The following COL11A2 variants were observed in gnomAD, a reference collection of about 807,000 sequenced individuals.
The protein encoded by COL11A2 is collagen alpha-2(XI) chain.
Under a neutral mutation model 273.4 loss-of-function variants are expected in COL11A2, and 116 were observed. The ratio of observed to expected loss-of-function variants is 0.42; its 90% confidence interval spans 0.36 to 0.49. COL11A2 has a LOEUF of 0.49. Ranked by LOEUF, COL11A2 falls within the 20% of genes least tolerant of loss-of-function variation. COL11A2 has a pLI of 0.00. For synonymous variants in COL11A2, 782 were observed against 864.2 expected, an observed-to-expected ratio of 0.90 and a Z score of 1.67; for missense variants, 1,866 against 2,309.0, an observed-to-expected ratio of 0.81 and a Z score of 3.93.
Position 33,173,140 on chromosome 6 carries a change from G to T in COL11A2, c.2737-27C>A. 1 of 1,604,698 alleles carries T rather than the reference G, an allele frequency of 6.2e-7. No homozygotes were observed. ...TAGGCGAGGAAGAGAGGAGAATGCAGTGAAAGCAGGTGTGGGCGCTGTGGG... is the reference window on the plus strand; with the variant it reads ...TAGGCGAGGAAGAGAGGAGAATGCATTGAAAGCAGGTGTGGGCGCTGTGGG... On this transcript the variant is annotated intron_variant, in intron 37 of 65. Transcript: ENST00000341947. The surrounding 1 kb of genome is among the most constrained non-coding windows in gnomAD (Gnocchi z 6.3).
At chr6:33,172,139 CGAAAA>C in intron 40 of COL11A2, 36 bp from the exon 41 acceptor site, 3 of 1,610,488 alleles carry the variant, frequency 1.9e-6, no homozygotes, top group Non-Finnish European at 2.5e-6. Flanking sequence ...TGAGACTTCA[CGAAAA>C]GAGAAGGGTG....
Position 33,186,328 on chromosome 6 carries a change from C to A in COL11A2, c.798+299G>T, listed in dbSNP as rs373940551. On this transcript the variant is annotated intron_variant, in intron 5 of 65. Transcript: ENST00000341947. ...CTACCTGCCTCCCCAGCTCTCACCC[C>A]TCTCCCACTGTCTCCCAATCTCTTA... 2.2e-5 allele frequency: 28 copies of A among 1,281,646 alleles called. No homozygotes were observed. The South Asian group carries it at 4.4e-4, about 20-fold the overall frequency. The allele number at this position is 1,281,646 out of a possible 1,614,324, so 79.4% of individuals were successfully genotyped here. A position where few individuals can be genotyped will look rare whatever the true frequency, so the allele number is the denominator to read the frequency against.
In COL11A2 at chr6:33,167,818, T is replaced by C; in HGVS notation, c.3995A>G (p.Gln1332Arg). The C allele has an allele frequency of 6.2e-7, 1 of 1,612,798 alleles. No individual in the cohort carries two copies. Among genetic ancestry groups the C allele is most frequent in the South Asian group, 1.1e-5 (1 of 91,044 alleles). Residue 1332 changes from glutamine (Q) to arginine (R), a missense_variant, in exon 55 of 66, where the codon CAA (glutamine) becomes CGA (arginine). Coordinates refer to ENST00000341947, the MANE Select transcript of COL11A2 (RefSeq NM_080680.3). This position sits in a 1 kb window ranked among gnomAD's most constrained non-coding sequence, Gnocchi z 6.1. The stretch of plus-strand genomic sequence containing the variant: ...CCTCACCTTGGCTCCCTTCCCTCCT[T>C]GTCGCCCCTCGGAACCAGGCGAGCC... ...PAGSPGSEGR[Q>R]GGKGAKGDPG...
In COL11A2 at chr6:33,169,541, G is replaced by A; in HGVS notation, c.3691-51C>T. 6.4e-7 allele frequency: 1 copy of A among 1,559,082 alleles called. No individual in the cohort carries two copies. The highest frequency in any genetic ancestry group is 1.7e-5 in the Admixed American group (1 of 59,744). On this transcript the variant is annotated intron_variant, in intron 50 of 65. Coordinates refer to ENST00000341947, the MANE Select transcript of COL11A2 (RefSeq NM_080680.3). The surrounding 1 kb of genome is among the most constrained non-coding windows in gnomAD (Gnocchi z 5.5). ...TGGCCCAGGGAATCTTGAAGATCAG[G>A]GATGCAGCCTCTGCTTCCGAGACAC...
At position 33,179,716 on chromosome 6, in the gene COL11A2, C is replaced by T. The variant is rs1217158496; in HGVS notation, c.1446+3G>A. 1.2e-6 allele frequency: 2 copies of T among 1,611,692 alleles called. No individual in the cohort carries two copies. The highest frequency in any genetic ancestry group is 1.7e-6 in the Non-Finnish European group (2 of 1,180,006). ...CCCTTTCCAGGGAAGCAGCCCCACT[C>T]ACCCTCGCCTGCTGCAGGATCGCCT... On this transcript the variant is annotated splice_donor_region_variant and intron_variant, in intron 13 of 65. Transcript: ENST00000341947. This position sits in a 1 kb window ranked among gnomAD's most constrained non-coding sequence, Gnocchi z 6.4.
In COL11A2 at chr6:33,186,589, G is replaced by T. The variant is rs200989046; in HGVS notation, c.798+38C>A. On this transcript the variant is annotated intron_variant, in intron 5 of 65. Coordinates refer to ENST00000341947, the MANE Select transcript of COL11A2 (RefSeq NM_080680.3). Reference sequence around the variant, plus strand: ...GATGCCTGGGTGTCTTCCCTCTCTGGGGTGTGCTGCACTTGGGGGTTCTCC... The same window carrying T: ...GATGCCTGGGTGTCTTCCCTCTCTGTGGTGTGCTGCACTTGGGGGTTCTCC... 779 of 1,614,138 alleles carry T rather than the reference G, an allele frequency of 4.8e-4. 7 individuals are homozygous for T. Among genetic ancestry groups the T allele is most frequent in the South Asian group, 4.0e-3 (360 of 91,080 alleles).
In COL11A2 at chr6:33,176,561, TG is replaced by T; in HGVS notation, c.2116-76del. On this transcript the variant is annotated intron_variant, in intron 26 of 65. Coordinates refer to ENST00000341947, the MANE Select transcript of COL11A2 (RefSeq NM_080680.3). The surrounding 1 kb of genome is among the most constrained non-coding windows in gnomAD (Gnocchi z 4.9). ...TGGGGGCCTCCAGGGGTGGAAGAAATGGAAGTAACAACATTGCTGTCTGGGT... is the reference window on the plus strand; with the variant it reads ...TGGGGGCCTCCAGGGGTGGAAGAAATGAAGTAACAACATTGCTGTCTGGGT... 2 of 1,464,708 alleles carry T rather than the reference TG, an allele frequency of 1.4e-6. No individual in the cohort carries two copies. The highest frequency in any genetic ancestry group is 1.9e-6 in the Non-Finnish European group (2 of 1,048,596). 90.7% of individuals were successfully genotyped at this position (1,464,708 alleles called of 1,614,324 possible).
chr6:33,176,063 C>T lies in COL11A2; in HGVS notation c.2221G>A (p.Asp741Asn). 6.2e-7 allele frequency: 1 copy of T among 1,613,038 alleles called. No individual in the cohort carries two copies. Among genetic ancestry groups the T allele is most frequent in the East Asian group, 2.2e-5 (1 of 44,874 alleles). The part of the protein sequence containing the change: ...LKGHKGEKGE[D>N]GFPGFKGDIG... ...TCACCTTTGAACCCAGGAAAGCCAT[C>T]CTCACCCTGAGAAAGATAGAGGTGA... Residue 741 changes from aspartate to asparagine, a missense_variant, in exon 29 of 66, where the codon GAT becomes AAT. By Grantham distance (23) the Asp-to-Asn change is conservative. Transcript: ENST00000341947. This position sits in a 1 kb window ranked among gnomAD's most constrained non-coding sequence, Gnocchi z 4.9.
chr6:33,179,244 T>A lies in COL11A2; in HGVS notation c.1544A>T (p.Asp515Val), dbSNP rs1473276823. Reference sequence around the variant, plus strand: ...GAAAGTGGTCACCTGAGGTCCTAAGTCTCCAGACTCTCCTTTCAGGCCAGG... The same window carrying A: ...GAAAGTGGTCACCTGAGGTCCTAAGACTCCAGACTCTCCTTTCAGGCCAGG... ...GSPGLKGESGDLGPQGPRGPQ... is the reference protein window; with the variant it reads ...GSPGLKGESGVLGPQGPRGPQ... The change falls in exon 15 of 66, where the codon GAC (aspartate) becomes GTC (valine). Residue 515 changes from aspartate (D) to valine (V), a missense_variant. Transcript: ENST00000341947. The surrounding 1 kb of genome is among the most constrained non-coding windows in gnomAD (Gnocchi z 6.4). 2 of 1,611,674 alleles carry A rather than the reference T, an allele frequency of 1.2e-6. No individual in the cohort carries two copies. Among genetic ancestry groups the A allele is most frequent in the Non-Finnish European group, 1.7e-6 (2 of 1,179,342 alleles).
Position 33,176,169 on chromosome 6 carries a change from G to T in COL11A2, c.2214+90C>A. 2 of 1,605,492 alleles carry T rather than the reference G, an allele frequency of 1.2e-6. No individual in the cohort carries two copies. The highest frequency in any genetic ancestry group is 1.7e-6 in the Non-Finnish European group (2 of 1,173,176). On this transcript the variant is annotated intron_variant, in intron 28 of 65. Transcript: ENST00000341947. This position sits in a 1 kb window ranked among gnomAD's most constrained non-coding sequence, Gnocchi z 4.9. The stretch of plus-strand genomic sequence containing the variant: ...GGTGGAAGCAGGGGCTCGGGAGCTG[G>T]ACGGCAGTGCGGGGCAGGCTGGAGG...
chr6:33,187,929 G>C (rs1772626173), intron 4 of COL11A2, among the ~76,000 whole-genome samples: 1 of 152,082 alleles, frequency 6.6e-6, no homozygotes, highest in African/African-American at 2.4e-5. Flanking sequence ...GGTTTGAAGG[G>C]GAGAGTGGTT....
At chr6:33,168,794 C>T (rs1323989169) in intron 52 of COL11A2, 35 bp from the exon 53 acceptor site, 16 of 1,598,290 alleles carry the variant, frequency 1.0e-5, no homozygotes, top group Non-Finnish European at 1.4e-5. Context: ...GGTGGGCCCC[C>T]AACCTGGCTG....
Position 33,164,187 on chromosome 6 carries a change from C to T in COL11A2, c.5070+80G>A, listed in dbSNP as rs983829267. On this transcript the variant is annotated intron_variant, in intron 65 of 65. Coordinates refer to ENST00000341947, the MANE Select transcript of COL11A2 (RefSeq NM_080680.3). This position sits in a 1 kb window ranked among gnomAD's most constrained non-coding sequence, Gnocchi z 4.7. ...ACTCCTCCCTGCTCCCCCTGGGTGC[C>T]CTGCCCAAGGGGTCTTCCCACCTCC... 1 of 1,517,550 alleles carries T rather than the reference C, an allele frequency of 6.6e-7. No homozygotes were observed. Among genetic ancestry groups the T allele is most frequent in the Non-Finnish European group, 9.0e-7 (1 of 1,112,222 alleles). The allele number at this position is 1,517,550 out of a possible 1,614,324, so 94.0% of individuals were successfully genotyped here. A position where few individuals can be genotyped will look rare whatever the true frequency, so the allele number is the denominator to read the frequency against.
Position 33,177,415 on chromosome 6 carries a change from G to A in COL11A2, c.1968C>T (p.Thr656=), listed in dbSNP as rs766534015. Reference sequence around the variant, plus strand: ...ACGGAGTAGGGGCACCGCTCACCTGGGTCCCAGGGGTGCCCTGTTGTCCAG... The same window carrying A: ...ACGGAGTAGGGGCACCGCTCACCTGAGTCCCAGGGGTGCCCTGTTGTCCAG... The part of the protein sequence containing the change: ...GPPGQQGTPG[T]QGLPGPQGAI... Residue 656 remains threonine (T), a synonymous_variant, in exon 23 of 66, where the codon ACC becomes ACT. Coordinates refer to ENST00000341947, the MANE Select transcript of COL11A2 (RefSeq NM_080680.3). The surrounding 1 kb of genome is among the most constrained non-coding windows in gnomAD (Gnocchi z 5.9). 14 of 1,612,728 alleles carry A rather than the reference G, an allele frequency of 8.7e-6. No individual in the cohort carries two copies. Among genetic ancestry groups the A allele is most frequent in the Admixed American group, 1.7e-5 (1 of 60,004 alleles).
chr6:33,171,120 T>A lies in COL11A2; in HGVS notation c.3360A>T (p.Gly1120=). 1 of 1,583,826 alleles carries A rather than the reference T, an allele frequency of 6.3e-7. No homozygotes were observed. Among genetic ancestry groups the A allele is most frequent in the Non-Finnish European group, 8.6e-7 (1 of 1,163,972 alleles). Residue 1120 remains glycine (G), a synonymous_variant, in exon 45 of 66, where the codon GGA becomes GGT. Coordinates refer to ENST00000341947, the MANE Select transcript of COL11A2 (RefSeq NM_080680.3). ...PGPIGPVGQP[G]AAGADGEPGA... ...GGGTGGAGGGGTCACTCACCGCTGC[T>A]CCAGGCTGCCCCACAGGACCAATGG...
intron 53 of COL11A2, 42 bp from the exon 54 acceptor site, chr6:33,168,614 A>G (rs1292983117): frequency 1.9e-6 from 3 of 1,610,710 alleles, no homozygotes; most frequent in Non-Finnish European, 2.5e-6. Context: ...TTTATCCTCC[A>G]GCCAAGGGAC....
rs1429365733 is a variant in COL11A2 at position 33,170,159 on chromosome 6, A to G, written c.3583-59T>C. ...AGGATGGAGGTGCCATTTCAGGGGC[A>G]AAGTCCCAGATGAGCAGCCCAAGGT... On this transcript the variant is annotated intron_variant, in intron 48 of 65. Coordinates refer to ENST00000341947, the MANE Select transcript of COL11A2 (RefSeq NM_080680.3). The surrounding 1 kb of genome is among the most constrained non-coding windows in gnomAD (Gnocchi z 4.3). The G allele has an allele frequency of 1.9e-6, 3 of 1,609,134 alleles. No homozygotes were observed. The Admixed American group carries it at 5.0e-5, about 27-fold the overall frequency.
rs1025659188 is a variant in COL11A2, at chr6:33,167,536, G to T, written c.4015-3C>A. 6.2e-7 allele frequency: 1 copy of T among 1,612,774 alleles called. No individual in the cohort carries two copies. On this transcript the variant is annotated splice_polypyrimidine_tract_variant and splice_region_variant and intron_variant, in intron 55 of 65. Coordinates refer to ENST00000341947, the MANE Select transcript of COL11A2 (RefSeq NM_080680.3). This position sits in a 1 kb window ranked among gnomAD's most constrained non-coding sequence, Gnocchi z 6.1. ...GCACCTATAGCGCCAGGATCTCCCT[G>T]AAACACACACAAGGAATGTGTCCTG...
In COL11A2 at chr6:33,177,686, A is replaced by T; in HGVS notation, c.1893T>A (p.Gly631=). 3 of 1,612,900 alleles carry T rather than the reference A, an allele frequency of 1.9e-6. No individual in the cohort carries two copies. Among genetic ancestry groups the T allele is most frequent in the Non-Finnish European group, 2.5e-6 (3 of 1,179,994 alleles). Residue 631 remains glycine (G), a synonymous_variant, in exon 22 of 66, where the codon GGT becomes GGA. Transcript: ENST00000341947. The surrounding 1 kb of genome is among the most constrained non-coding windows in gnomAD (Gnocchi z 5.9). ...PGPPGVRGMD[G]PQGPKGSLGP... is the part of the protein sequence containing the mutation. The stretch of plus-strand genomic sequence containing the variant: ...CCAAGCTCCCTTTGGGGCCCTGGGG[A>T]CCATCCATGCCTCGGACGCCCTGAA...
Sources: gnomAD v4.1 joint callset for allele counts (sites outside exome capture counted in the v4.1 genomes callset) on GRCh38, gnomAD v4.1.1 for gene constraint, Gnocchi (gnomAD v3.1) non-coding constraint, MANE v1.5 for transcripts, NCBI Gene and HGNC (gene_info 2026-07-23, HGNC 2026-07-21) for gene names.